Variants in PIGU observed in about 807,000 individuals in gnomAD.
PIGU encodes phosphatidylinositol glycan anchor biosynthesis class U.
Under a neutral mutation model 49.9 loss-of-function variants are expected in PIGU, and 24 were observed. The ratio of observed to expected loss-of-function variants is 0.48; its 90% confidence interval spans 0.35 to 0.68. PIGU has a LOEUF of 0.68. PIGU is among the 30% of genes least tolerant of loss of function. PIGU has a pLI of 0.01. For synonymous variants in PIGU, 220 were observed against 205.7 expected, an observed-to-expected ratio of 1.07 and a Z score of -0.59; for missense variants, 490 against 532.6, an observed-to-expected ratio of 0.92 and a Z score of 0.79.
At chr20:34,660,809 A>C (rs1986906963) in intron 1 of PIGU, among the ~76,000 whole-genome samples, 1 of 152,232 alleles carries the variant, frequency 6.6e-6, no homozygotes, top group Non-Finnish European at 1.5e-5. Flanking sequence ...CTAAGTGCAA[A>C]GTGGAATCAC....
At position 34,560,609 on chromosome 20, in the gene PIGU, C is replaced by T. The variant is rs1568615199; in HGVS notation, c.*257G>A. 4.5e-6 allele frequency: 2 copies of T among 442,952 alleles called. No homozygotes were observed. The highest frequency in any genetic ancestry group is 8.0e-6 in the Non-Finnish European group (2 of 250,790). The allele number at this position is 442,952 out of a possible 1,614,324, so 27.4% of individuals were successfully genotyped here. The stretch of plus-strand genomic sequence containing the variant: ...AACAAGCCCTGCTCACCTGCCTCTT[C>T]TCCTTCCTGTCTGGGAGGGGGCTCC... On this transcript the variant is annotated 3_prime_UTR_variant, in exon 12 of 12. Transcript: ENST00000217446.
intron 2 of PIGU, among the ~76,000 whole-genome samples, chr20:34,650,857 G>T (rs1986522022): frequency 6.6e-6 from 1 of 151,214 alleles, no homozygotes; most frequent in Non-Finnish European, 1.5e-5. Context: ...GGGACTACAG[G>T]CATGCACCAC....
At chr20:34,609,343 C>T (rs1984729747) in intron 7 of PIGU, among the ~76,000 whole-genome samples, 1 of 151,846 alleles carries the variant, frequency 6.6e-6, no homozygotes, top group African/African-American at 2.4e-5. Flanking sequence ...CTGTTTCCAC[C>T]TTCACTTTTT....
At chr20:34,631,779 A>T (rs1214870394) in intron 6 of PIGU, among the ~76,000 whole-genome samples, 1 of 2,338 alleles carries the variant, frequency 4.3e-4, no homozygotes, top group Non-Finnish European at 6.6e-4. Context: ...ATATATATAT[A>T]TATATATTTT....
At chr20:34,587,539 ATACTC>A (rs1277581714) in intron 8 of PIGU, among the ~76,000 whole-genome samples, 1 of 152,154 alleles carries the variant, frequency 6.6e-6, no homozygotes, top group East Asian at 1.9e-4. Flanking sequence ...GGTATATACA[ATACTC>A]TATTATTAAC....
chr20:34,657,968 CTCCACGGTCTCCCTCTCCCTCTCTT>C (rs1329731737), intron 1 of PIGU, among the ~76,000 whole-genome samples: 2,087 of 151,656 alleles, frequency 0.014, 53 homozygotes, highest in African/African-American at 0.044. Context: ...CTCTCTCTCT[CTCCACGGTCTCCCTCTCCCTCTCTT>C]TCCACGGTCT....
chr20:34,650,646 A>AT (rs960783700), intron 2 of PIGU, among the ~76,000 whole-genome samples: 3 of 65,644 alleles, frequency 4.6e-5, no homozygotes, highest in Admixed American at 2.7e-4. Context: ...TTTATTGTCT[A>AT]TTTTTTTCTG....
At chr20:34,585,691 T>C in intron 8 of PIGU, 111 bp from the exon 9 acceptor site, 3 of 1,255,332 alleles carry the variant, frequency 2.4e-6, no homozygotes, top group Admixed American at 4.3e-5. Flanking sequence ...CAAGGACGAC[T>C]TTCTCCCTAG....
chr20:34,640,494 C>T (rs1047259745), intron 4 of PIGU, among the ~76,000 whole-genome samples: 6 of 35,966 alleles, frequency 1.7e-4, no homozygotes, highest in Non-Finnish European at 1.3e-4. Context: ...CACATGTGCG[C>T]ACGCGCACAC....
intron 2 of PIGU, among the ~76,000 whole-genome samples, chr20:34,649,312 C>T (rs1986454031): frequency 1.3e-5 from 2 of 151,806 alleles, no homozygotes; most frequent in African/African-American, 4.8e-5. Flanking sequence ...GATTCTGCCT[C>T]GTTCTGTCTC....
chr20:34,614,726 G>A (rs1984944328), intron 7 of PIGU, among the ~76,000 whole-genome samples: 1 of 151,082 alleles, frequency 6.6e-6, no homozygotes, highest in Non-Finnish European at 1.5e-5. Context: ...CCCCAAATAA[G>A]AAAAAGATCA....
chr20:34,657,510 C>T (rs574819362), intron 1 of PIGU, among the ~76,000 whole-genome samples: 2 of 152,244 alleles, frequency 1.3e-5, no homozygotes, highest in Non-Finnish European at 1.5e-5. Context: ...TAACTCTTAC[C>T]AACTCTCAAA....
At chr20:34,672,670 T>C (rs1020665268) in intron 1 of PIGU, among the ~76,000 whole-genome samples, 11 of 151,416 alleles carry the variant, frequency 7.3e-5, no homozygotes, top group Middle Eastern at 3.5e-3. Flanking sequence ...CTAGGCAATA[T>C]ATTGAGACCC....
intron 4 of PIGU, among the ~76,000 whole-genome samples, chr20:34,639,379 C>G (rs1019984891): frequency 6.6e-6 from 1 of 151,824 alleles, no homozygotes; most frequent in South Asian, 2.1e-4. Flanking sequence ...CCAGCCTGGG[C>G]GACAGAGCAA....
intron 7 of PIGU, among the ~76,000 whole-genome samples, chr20:34,602,773 C>G (rs1303605604): frequency 6.6e-6 from 1 of 152,130 alleles, no homozygotes; most frequent in East Asian, 1.9e-4. Context: ...CTTATAACCA[C>G]TACCAAGGTC....
intron 6 of PIGU, among the ~76,000 whole-genome samples, chr20:34,629,536 T>C (rs1479972486): frequency 6.6e-6 from 1 of 152,102 alleles, no homozygotes; most frequent in African/African-American, 2.4e-5. Flanking sequence ...GACGTGAAAA[T>C]GAAGCCCATG....
intron 8 of PIGU, 27 bp downstream of exon 8, chr20:34,588,426 G>T: frequency 6.3e-7 from 1 of 1,598,950 alleles, no homozygotes; most frequent in Non-Finnish European, 8.5e-7. Flanking sequence ...ACAGCTTCTA[G>T]AATTTTCTAA....
intron 1 of PIGU, among the ~76,000 whole-genome samples, chr20:34,676,653 C>T (rs976740897): frequency 2.3e-4 from 35 of 152,186 alleles, no homozygotes; most frequent in African/African-American, 7.5e-4. Flanking sequence ...TATTCCAACC[C>T]TTCCCACAGA....
intron 11 of PIGU, 32 bp downstream of exon 11, chr20:34,575,072 C>A: frequency 6.2e-7 from 1 of 1,610,648 alleles, no homozygotes; most frequent in Non-Finnish European, 8.5e-7. Context: ...GAATTCCTGT[C>A]CCCAAGCTGA....
Sources: allele counts gnomAD v4.1 joint callset (sites outside exome capture counted in the v4.1 genomes callset), GRCh38; gene constraint gnomAD v4.1.1; transcripts MANE v1.5; gene names NCBI Gene and HGNC (gene_info 2026-07-23, HGNC 2026-07-21).